The following DOCK2 variants were observed in gnomAD, a reference collection of about 807,000 sequenced individuals.
DOCK2 encodes the protein dedicator of cytokinesis protein 2.
A neutral mutation model predicts 248.9 loss-of-function variants in DOCK2; 87 were observed. The ratio of observed to expected loss-of-function variants is 0.35; its 90% confidence interval spans 0.29 to 0.42. DOCK2 has a LOEUF of 0.42. DOCK2 is among the 10% of genes least tolerant of loss of function. The pLI is 1.00. For missense variants in DOCK2, 1,747 were observed against 2,300.2 expected, an observed-to-expected ratio of 0.76 and a Z score of 4.92; for synonymous variants, 805 against 821.6, an observed-to-expected ratio of 0.98 and a Z score of 0.35.
At chr5:169,919,954 C>T (rs915966991) in intron 27 of DOCK2, among the ~76,000 whole-genome samples, 5 of 152,218 alleles carry the variant, frequency 3.3e-5, no homozygotes, top group Non-Finnish European at 2.9e-5. Context: ...CAAGTAACTA[C>T]ACTTTGTGTT....
chr5:169,698,695 A>T (rs1054002070), intron 11 of DOCK2, among the ~76,000 whole-genome samples: 1 of 152,270 alleles, frequency 6.6e-6, no homozygotes, highest in South Asian at 2.1e-4. Context: ...AGAGGCTGGC[A>T]CTGTGCTAGG....
chr5:169,739,262 C>T (rs189731787), intron 22 of DOCK2, among the ~76,000 whole-genome samples: 2 of 152,230 alleles, frequency 1.3e-5, no homozygotes, highest in Admixed American at 1.3e-4. Context: ...CAGTTTATGC[C>T]AGAAACTGGG....
chr5:169,945,806 G>A (rs1197499882), intron 27 of DOCK2, among the ~76,000 whole-genome samples: 1 of 152,178 alleles, frequency 6.6e-6, no homozygotes, highest in Non-Finnish European at 1.5e-5. Flanking sequence ...TTTGCTTATT[G>A]TTTGGATTCG....
intron 25 of DOCK2, among the ~76,000 whole-genome samples, chr5:169,797,760 G>A (rs778515508): frequency 6.6e-6 from 1 of 152,184 alleles, no homozygotes; most frequent in African/African-American, 2.4e-5. Context: ...TGCCTATGAA[G>A]ATTTATTTCA....
intron 30 of DOCK2, among the ~76,000 whole-genome samples, chr5:170,007,776 A>T (rs536699112): frequency 2.6e-5 from 4 of 152,190 alleles, no homozygotes; most frequent in Non-Finnish European, 1.5e-5. Flanking sequence ...ACAAGCCTGC[A>T]TCTCAGCTGG....
chr5:169,798,879 G>A (rs1278630198), intron 25 of DOCK2, among the ~76,000 whole-genome samples: 1 of 152,190 alleles, frequency 6.6e-6, no homozygotes, highest in African/African-American at 2.4e-5. Context: ...TTTACAGGTG[G>A]AGAAAGTTTT....
At chr5:169,693,551 A>G (rs1363513473) in intron 9 of DOCK2, among the ~76,000 whole-genome samples, 1 of 152,184 alleles carries the variant, frequency 6.6e-6, no homozygotes, top group Non-Finnish European at 1.5e-5. Flanking sequence ...GTTTGGAGGA[A>G]GGAGTCAGGC....
intron 8 of DOCK2, among the ~76,000 whole-genome samples, chr5:169,686,480 CAG>C (rs1009308250): frequency 2.0e-5 from 3 of 151,986 alleles, no homozygotes; most frequent in Non-Finnish European, 2.9e-5. Context: ...TGGGGATGAA[CAG>C]AGAGAGGAGG....
chr5:169,757,631 T>G (rs2113726256), intron 23 of DOCK2, among the ~76,000 whole-genome samples: 1 of 152,322 alleles, frequency 6.6e-6, no homozygotes, highest in Admixed American at 6.5e-5. Flanking sequence ...ATTAAAATCT[T>G]TCTATGCAAT....
rs998738689 is a variant in DOCK2, at chr5:169,680,348, A to G, written c.471-1396A>G. ...GTAAGTGCTGTGTGAGTTTGCTGCT[A>G]TTAGTATCACTGATGCCGATCAGGA... is the stretch of plus-strand genomic sequence containing the variant. On this transcript the variant is annotated intron_variant, in intron 6 of 51. Transcript: ENST00000520908. Among the ~76,000 whole-genome samples, 13 of 152,328 alleles carry G rather than the reference A, an allele frequency of 8.5e-5. 1 individual carries two copies. The highest frequency in any genetic ancestry group is 6.5e-4 in the Admixed American group (10 of 15,302).
intron 26 of DOCK2, among the ~76,000 whole-genome samples, chr5:169,804,485 T>TGTGTGTGC (rs61431388): frequency 5.3e-4 from 36 of 68,122 alleles, no homozygotes; most frequent in South Asian, 2.2e-3. Context: ...TGTGTGTGTG[T>TGTGTGTGC]GCGCGCGCGC....
At chr5:169,701,368 C>T (rs1365490512) in intron 13 of DOCK2, among the ~76,000 whole-genome samples, 1 of 152,230 alleles carries the variant, frequency 6.6e-6, no homozygotes, top group African/African-American at 2.4e-5. Context: ...TTCACGATGG[C>T]TCTCACTGAC....
rs765666140 is a variant in DOCK2 at position 169,699,461 on chromosome 5, A to G, written c.1132+3A>G. 1 of 1,611,568 alleles carries G rather than the reference A, an allele frequency of 6.2e-7. No individual in the cohort carries two copies. The highest frequency in any genetic ancestry group is 1.7e-5 in the Admixed American group (1 of 59,732). On this transcript the variant is annotated splice_donor_region_variant and intron_variant, in intron 12 of 51. Transcript: ENST00000520908. Reference sequence around the variant, plus strand: ...CAAGGGGGACAGTGGAGGGCAAGGTAAAGTGCCAATATGCCAGTGGGCTGA... The same window carrying G: ...CAAGGGGGACAGTGGAGGGCAAGGTGAAGTGCCAATATGCCAGTGGGCTGA...
intron 25 of DOCK2, among the ~76,000 whole-genome samples, chr5:169,770,266 C>A (rs1388529998): frequency 6.6e-6 from 1 of 151,472 alleles, no homozygotes; most frequent in Non-Finnish European, 1.5e-5. Flanking sequence ...CCTTTCCCCA[C>A]CTAAGGTAAC....
At chr5:169,717,265 T>C in intron 20 of DOCK2, 119 bp from the exon 21 acceptor site, 1 of 750,132 alleles carries the variant, frequency 1.3e-6, no homozygotes, top group Non-Finnish European at 2.3e-6. Context: ...GAACTCATTA[T>C]GTATTAGTGA....
At chr5:170,029,686 C>T (rs1756058606) in intron 34 of DOCK2, among the ~76,000 whole-genome samples, 1 of 152,192 alleles carries the variant, frequency 6.6e-6, no homozygotes. Context: ...AGGAACATGA[C>T]CCAGACATCC....
At chr5:169,997,250 A>G (rs1427663017) in intron 30 of DOCK2, among the ~76,000 whole-genome samples, 2 of 130,034 alleles carry the variant, frequency 1.5e-5, no homozygotes, top group Non-Finnish European at 3.2e-5. Context: ...CGCAGGTCCC[A>G]CCTCCAGCCC....
chr5:169,871,265 C>G (rs1311836076), intron 27 of DOCK2, among the ~76,000 whole-genome samples: 1 of 152,098 alleles, frequency 6.6e-6, no homozygotes, highest in Non-Finnish European at 1.5e-5. Flanking sequence ...TAAAGAAGGA[C>G]CAAATGTTTT....
chr5:170,064,436 CAT>C (rs1757427184), intron 44 of DOCK2, among the ~76,000 whole-genome samples: 1 of 151,608 alleles, frequency 6.6e-6, no homozygotes, highest in African/African-American at 2.4e-5. Context: ...AAACAGAAAT[CAT>C]AGAGCTTAGG....
Sources: gnomAD v4.1 joint callset for allele counts (sites outside exome capture counted in the v4.1 genomes callset) on GRCh38, gnomAD v4.1.1 for gene constraint, MANE v1.5 for transcripts, NCBI Gene and HGNC (gene_info 2026-07-23, HGNC 2026-07-21) for gene names.